Variants in XKRX observed in about 807,000 individuals in gnomAD.
The protein encoded by XKRX is XK related X-linked, also known as XK-related protein 2.
In XKRX, 11 loss-of-function variants were observed where a neutral mutation model predicts 22.4. The observed-to-expected ratio is 0.49, with a 90% CI of 0.31 to 0.81. The LOEUF is 0.81. XKRX is among the 40% of genes least tolerant of loss of function. The pLI, the probability that XKRX is intolerant of heterozygous loss-of-function variation, is 0.05. For synonymous variants in XKRX, 114 were observed against 132.2 expected, an observed-to-expected ratio of 0.86 and a Z score of 0.94; for missense variants, 320 against 336.5, an observed-to-expected ratio of 0.95 and a Z score of 0.38.
intron 2 of XKRX, among the ~76,000 whole-genome samples, chrX:100,918,187 C>G (rs963914130): frequency 8.9e-6 from 1 of 111,986 alleles, no homozygotes; most frequent in African/African-American, 3.2e-5. Context: ...TCAACTTAAT[C>G]TTTTACTTTT....
At position 100,928,776 on chromosome X, in the gene XKRX, G is replaced by A; in HGVS notation, c.-472C>T. The A allele has an allele frequency of 1.3e-6, 1 of 758,764 alleles. No homozygotes were observed. The highest frequency in any genetic ancestry group is 1.6e-6 in the Non-Finnish European group (1 of 642,539). 62.5% of individuals were successfully genotyped at this position (758,764 alleles called of 1,213,427 possible). A position where few individuals can be genotyped will look rare whatever the true frequency, so the allele number is the denominator to read the frequency against. Reference sequence around the variant, plus strand: ...GACCAGTGTGTCCTCTCAAGTCAGCGGAGAGCTGAGCCAGGGCAGAAGAGC... The same window carrying A: ...GACCAGTGTGTCCTCTCAAGTCAGCAGAGAGCTGAGCCAGGGCAGAAGAGC... On this transcript the variant is annotated 5_prime_UTR_variant, in exon 1 of 3. Transcript: ENST00000372956.
At chrX:100,935,062 C>T in the XKRX span, among the ~76,000 whole-genome samples, 3 of 111,937 alleles carry the variant, frequency 2.7e-5, no homozygotes, top group African/African-American at 9.7e-5. Context: ...AGTTATTTCA[C>T]TTTTCTTCTT....
At chrX:100,912,876 G>A (rs182129373), downstream of XKRX, among the ~76,000 whole-genome samples, 13 of 111,648 alleles carry the variant, frequency 1.2e-4, no homozygotes, top group African/African-American at 2.3e-4. Flanking sequence ...ACGAACAGAG[G>A]GTTGATAAAC....
upstream of XKRX, among the ~76,000 whole-genome samples, chrX:100,933,174 AAAAAAG>A (rs1214713126): frequency 2.7e-5 from 3 of 109,739 alleles, no homozygotes; most frequent in Non-Finnish European, 3.8e-5. Flanking sequence ...TCTCAAAAAA[AAAAAAG>A]AAAAAGAAAA....
chrX:100,896,625 G>C, the XKRX span, among the ~76,000 whole-genome samples: 1 of 111,708 alleles, frequency 9.0e-6, no homozygotes, highest in African/African-American at 3.3e-5. Context: ...AAATTTCTCT[G>C]GATGTATCTT....
chrX:100,916,330 T>C (rs1183950959), intron 2 of XKRX, among the ~76,000 whole-genome samples: 1 of 112,206 alleles, frequency 8.9e-6, no homozygotes, highest in African/African-American at 3.2e-5. Context: ...TCTCTACATT[T>C]CTCTATTTTC....
chrX:100,909,275 T>C (rs1569453318), downstream of XKRX, among the ~76,000 whole-genome samples: 2 of 112,361 alleles, frequency 1.8e-5, no homozygotes, highest in Non-Finnish European at 3.8e-5. Context: ...CCCAGGCGTT[T>C]TAGGACTTCT....
chrX:100,955,168 T>C, the XKRX span, among the ~76,000 whole-genome samples: 2 of 111,906 alleles, frequency 1.8e-5, no homozygotes, highest in Non-Finnish European at 3.8e-5. Flanking sequence ...TTTAAAATAA[T>C]AAAAATGCAT....
the XKRX span, among the ~76,000 whole-genome samples, chrX:100,944,354 AACG>A: frequency 1.8e-5 from 2 of 111,510 alleles, no homozygotes; most frequent in Non-Finnish European, 3.8e-5. Flanking sequence ...ACATTAAATC[AACG>A]TTTTTGTTTT....
chrX:100,957,224 T>C, the XKRX span: 249 of 992,167 alleles, frequency 2.5e-4, no homozygotes, highest in Non-Finnish European at 5.0e-5. Context: ...CTTGTCAGTA[T>C]CGATCTGATT....
At chrX:100,924,423 A>C (rs2085490155) in intron 1 of XKRX, among the ~76,000 whole-genome samples, 2 of 111,420 alleles carry the variant, frequency 1.8e-5, no homozygotes, top group South Asian at 7.6e-4. Context: ...TCCTTATGAA[A>C]GCCTATCATC....
At chrX:100,906,149 T>C in the XKRX span, among the ~76,000 whole-genome samples, 1 of 111,406 alleles carries the variant, frequency 9.0e-6, no homozygotes, top group African/African-American at 3.3e-5. Context: ...GTAGGAAGAT[T>C]TTCCATATAT....
intron 2 of XKRX, among the ~76,000 whole-genome samples, chrX:100,917,723 A>AAATAAATCAATC (rs2085452175): frequency 6.1e-5 from 5 of 81,433 alleles, no homozygotes; most frequent in Admixed American, 2.6e-4. Context: ...AGAAAGAAAG[A>AAATAAATCAATC]AATCCTTGGT....
the XKRX span, among the ~76,000 whole-genome samples, chrX:100,938,724 T>C: frequency 2.7e-5 from 3 of 112,160 alleles, no homozygotes; most frequent in South Asian, 7.4e-4. Context: ...AGATCTCTTC[T>C]AGCTCTAACA....
chrX:100,956,381 A>AT, the XKRX span, among the ~76,000 whole-genome samples: 1 of 111,689 alleles, frequency 9.0e-6, no homozygotes, highest in Admixed American at 9.5e-5. Flanking sequence ...AAAAATTATG[A>AT]TTTTTTTAAG....
chrX:100,927,779 C>A (rs2085504118), intron 1 of XKRX, among the ~76,000 whole-genome samples, 191 bp downstream of exon 1: 1 of 112,221 alleles, frequency 8.9e-6, no homozygotes, highest in African/African-American at 3.2e-5. Flanking sequence ...CAAGTACATA[C>A]CACATGTTCA....
At chrX:100,892,734 G>A in the XKRX span, among the ~76,000 whole-genome samples, 1 of 112,518 alleles carries the variant, frequency 8.9e-6, no homozygotes, top group African/African-American at 3.2e-5. Flanking sequence ...TAGTGGGAAT[G>A]TAAATTAGTA....
chrX:100,937,251 A>G, the XKRX span, among the ~76,000 whole-genome samples: 9,655 of 110,854 alleles, frequency 0.087, 896 homozygotes, highest in African/African-American at 0.28. Context: ...TTGGCCTCCC[A>G]AAGTGCTAGG....
chrX:100,951,007 C>T, the XKRX span, among the ~76,000 whole-genome samples: 8 of 109,802 alleles, frequency 7.3e-5, no homozygotes, highest in East Asian at 2.9e-4. Flanking sequence ...CCAAGGCAGG[C>T]GGATCACCTG....
Sources: allele counts gnomAD v4.1 joint callset (sites outside exome capture counted in the v4.1 genomes callset), GRCh38; gene constraint gnomAD v4.1.1; transcripts MANE v1.5; gene names NCBI Gene and HGNC (gene_info 2026-07-23, HGNC 2026-07-21).